The following DACH1 variants were observed in gnomAD, a reference collection of about 807,000 sequenced individuals.
DACH1 encodes the protein dachshund family transcription factor 1.
Under a neutral mutation model 54.2 loss-of-function variants are expected in DACH1, and 12 were observed. That is an observed-to-expected ratio of 0.22 (90% CI 0.14 to 0.36). DACH1 has a LOEUF of 0.36. DACH1 is among the 10% of genes least tolerant of loss of function. The pLI is 1.00. For missense variants in DACH1, 805 were observed against 929.8 expected (o/e 0.87, Z 1.75); for synonymous variants, 386 against 366.2 (o/e 1.05, Z -0.62).
At chr13:71,654,025 G>A (rs73521296) in intron 2 of DACH1, among the ~76,000 whole-genome samples, 158 of 152,246 alleles carry the variant, frequency 1.0e-3, no homozygotes, top group African/African-American at 3.7e-3. Flanking sequence ...ATGGGTGTGT[G>A]TATAAACACA....
In DACH1 at chr13:71,439,204, C is replaced by A. The variant is rs1278251754; in HGVS notation, c.*1451G>T. The A allele has an allele frequency of 6.6e-6, 1 of 152,338 alleles. No individual in the cohort carries two copies. The allele number at this position is 152,338 out of a possible 1,614,324, so 9.4% of individuals were successfully genotyped here. A position where few individuals can be genotyped will look rare whatever the true frequency, so the allele number is the denominator to read the frequency against. On this transcript the variant is annotated 3_prime_UTR_variant, in exon 11 of 11. Transcript: ENST00000613252. ...TACAATTTTAAGATGACAGAAAAAT[C>A]ATAAAATGTATAGTGACCGTACTGA...
intron 3 of DACH1, among the ~76,000 whole-genome samples, chr13:71,582,547 T>C (rs1252588650): frequency 6.6e-6 from 1 of 152,170 alleles, no homozygotes; most frequent in Non-Finnish European, 1.5e-5. Context: ...TCAGTTAGGA[T>C]ATCCAGTAAT....
At chr13:71,501,219 G>A (rs1029476677) in intron 6 of DACH1, among the ~76,000 whole-genome samples, 1 of 152,156 alleles carries the variant, frequency 6.6e-6, no homozygotes, top group Non-Finnish European at 1.5e-5. Context: ...GACCTCCTGA[G>A]ACTGTGTAAC....
At chr13:71,826,649 A>G (rs1888393643) in intron 1 of DACH1, among the ~76,000 whole-genome samples, 1 of 152,172 alleles carries the variant, frequency 6.6e-6, no homozygotes, top group African/African-American at 2.4e-5. Flanking sequence ...GATTAATTAT[A>G]TATAATGATG....
intron 10 of DACH1, among the ~76,000 whole-genome samples, chr13:71,454,499 G>A (rs1219892433): frequency 6.6e-6 from 1 of 152,082 alleles, no homozygotes; most frequent in Non-Finnish European, 1.5e-5. Flanking sequence ...CTAAAAAGAC[G>A]GTAACTTGCA....
At chr13:71,808,248 G>A (rs1367880362) in intron 1 of DACH1, among the ~76,000 whole-genome samples, 1 of 152,072 alleles carries the variant, frequency 6.6e-6, no homozygotes, top group African/African-American at 2.4e-5. Flanking sequence ...TAGTTGTAAT[G>A]CCTCTTTACT....
intron 2 of DACH1, among the ~76,000 whole-genome samples, chr13:71,638,150 C>T (rs1398771144): frequency 2.0e-5 from 3 of 152,140 alleles, no homozygotes; most frequent in African/African-American, 7.2e-5. Context: ...CCATTTTAAA[C>T]ATGCAGTAGA....
rs566916756 is a variant in DACH1 at position 71,820,840 on chromosome 13, A to C, written c.848+45082T>G. ...GGAAGGAGAGGTATATTAGACTGGA[A>C]CAACCAAAACAGAGAACAAAATGGG... On this transcript the variant is annotated intron_variant, in intron 1 of 10. Coordinates refer to ENST00000613252, the MANE Select transcript of DACH1 (RefSeq NM_080759.6). Among the ~76,000 whole-genome samples the C allele has an allele frequency of 3.3e-5, 5 of 152,304 alleles. 1 individual carries two copies. In the East Asian group the frequency reaches 9.7e-4, roughly 29 times the overall value.
chr13:71,836,141 A>G (rs1306684353), intron 1 of DACH1, among the ~76,000 whole-genome samples: 1 of 152,120 alleles, frequency 6.6e-6, no homozygotes, highest in African/African-American at 2.4e-5. Flanking sequence ...AGAATTCTGA[A>G]TCACACATTT....
chr13:71,788,602 C>T (rs1418874334), intron 1 of DACH1, among the ~76,000 whole-genome samples: 1 of 151,992 alleles, frequency 6.6e-6, no homozygotes, highest in East Asian at 1.9e-4. Context: ...ACACACACAC[C>T]TTCTTCTACC....
chr13:71,784,513 A>G (rs1428509842), intron 1 of DACH1, among the ~76,000 whole-genome samples: 1 of 152,140 alleles, frequency 6.6e-6, no homozygotes, highest in Non-Finnish European at 1.5e-5. Flanking sequence ...ACACCCACTC[A>G]CATAAGAAAA....
At chr13:71,709,421 A>G (rs1399951105) in intron 1 of DACH1, among the ~76,000 whole-genome samples, 1 of 151,898 alleles carries the variant, frequency 6.6e-6, no homozygotes. Flanking sequence ...ACTGTGATAA[A>G]ATCTTGTGCT....
chr13:71,592,597 GA>G, intron 3 of DACH1, among the ~76,000 whole-genome samples: 1 of 151,258 alleles, frequency 6.6e-6, no homozygotes, highest in Non-Finnish European at 1.5e-5. Context: ...TTATAGAAAG[GA>G]AATTATGACC....
intron 3 of DACH1, among the ~76,000 whole-genome samples, chr13:71,576,077 C>T (rs931717997): frequency 6.6e-6 from 1 of 151,954 alleles, no homozygotes; most frequent in African/African-American, 2.4e-5. Flanking sequence ...ATGCTTAACA[C>T]ACAAACATAT....
chr13:71,546,670 A>G (rs996189731), intron 6 of DACH1, among the ~76,000 whole-genome samples: 6 of 152,022 alleles, frequency 3.9e-5, no homozygotes, highest in African/African-American at 9.7e-5. Context: ...TCAAGGCTAT[A>G]AAGATTAAAT....
chr13:71,654,468 A>AAAG (rs1566409166), intron 2 of DACH1, among the ~76,000 whole-genome samples: 28 of 104,620 alleles, frequency 2.7e-4, no homozygotes, highest in Non-Finnish European at 4.3e-4. Context: ...GTAAAATAAA[A>AAAG]TAAAATAAAA....
intron 3 of DACH1, among the ~76,000 whole-genome samples, chr13:71,582,384 T>A (rs944015561): frequency 4.6e-5 from 7 of 152,120 alleles, no homozygotes; most frequent in African/African-American, 1.7e-4. Context: ...GGCCCTCAAT[T>A]AACAATGAAT....
intron 1 of DACH1, among the ~76,000 whole-genome samples, chr13:71,793,850 A>C (rs557577695): frequency 1.6e-4 from 24 of 152,144 alleles, no homozygotes; most frequent in Non-Finnish European, 2.6e-4. Flanking sequence ...TTAGTGAAAA[A>C]AATTGAGGTT....
At chr13:71,467,831 T>C (rs1020801748) in intron 10 of DACH1, among the ~76,000 whole-genome samples, 4 of 152,292 alleles carry the variant, frequency 2.6e-5, no homozygotes, top group Admixed American at 2.6e-4. Context: ...GTTTTGTTCA[T>C]AGTAACATAA....
Sources: allele counts gnomAD v4.1 joint callset (sites outside exome capture counted in the v4.1 genomes callset), GRCh38; gene constraint gnomAD v4.1.1; transcripts MANE v1.5; gene names NCBI Gene and HGNC (gene_info 2026-07-23, HGNC 2026-07-21).